The following CDON variants were observed in gnomAD, a reference collection of about 807,000 sequenced individuals.
CDON encodes the protein cell adhesion molecule-related/down-regulated by oncogenes.
CDON carries 73 observed loss-of-function variants against 120.9 expected under a neutral mutation model. The observed-to-expected ratio is 0.60, with a 90% CI of 0.50 to 0.73. The LOEUF (loss-of-function observed/expected upper bound fraction) is 0.73, where lower values mean the gene tolerates loss of function less well. CDON is among the 30% of genes least tolerant of loss of function. The pLI, the probability that CDON is intolerant of heterozygous loss-of-function variation, is 0.00. For synonymous variants in CDON, 566 were observed against 573.5 expected (o/e 0.99, Z 0.19); for missense variants, 1,470 against 1,587.3 (o/e 0.93, Z 1.26).
In CDON at chr11:125,994,885, T is replaced by C. The variant is rs1946735006; in HGVS notation, c.2530A>G (p.Met844Val). Residue 844 changes from methionine (M) to valine (V), a missense_variant, in exon 13 of 20, where the codon ATG becomes GTG. By Grantham distance (21) the Met-to-Val change is conservative (BLOSUM62 1). Transcript: ENST00000531738. ...TGTGTACTGACCGTCCACTTTAGCA[T>C]GATCTGAGTATCGCTGACAGCCTCT... ...YTEAVSDTQI[M>V]LKWTYIPSSN... is the part of the protein sequence containing the mutation. The C allele has an allele frequency of 1.2e-6, 2 of 1,614,044 alleles. No individual in the cohort carries two copies. The highest frequency in any genetic ancestry group is 1.7e-6 in the Non-Finnish European group (2 of 1,179,912).
At chr11:125,962,734 G>A (rs1945679525) in intron 18 of CDON, among the ~76,000 whole-genome samples, 1 of 152,094 alleles carries the variant, frequency 6.6e-6, no homozygotes, top group Non-Finnish European at 1.5e-5. Flanking sequence ...CAGCTGTTAA[G>A]CTCATCTAGT....
chr11:125,965,971 C>A (rs1565488968), intron 18 of CDON, among the ~76,000 whole-genome samples: 1 of 152,048 alleles, frequency 6.6e-6, no homozygotes, highest in African/African-American at 2.4e-5. Context: ...CGCGTCTCTA[C>A]TAAAAAATAC....
intron 19 of CDON, 57 bp from the exon 20 acceptor site, chr11:125,961,162 A>G: frequency 1.3e-6 from 2 of 1,530,102 alleles, no homozygotes; most frequent in Non-Finnish European, 1.8e-6. Flanking sequence ...ATTTTTACAA[A>G]GCAGTCTAAA....
At chr11:126,001,409 C>T (rs1410354642) in intron 11 of CDON, among the ~76,000 whole-genome samples, 2 of 152,172 alleles carry the variant, frequency 1.3e-5, no homozygotes, top group Non-Finnish European at 2.9e-5. Flanking sequence ...CCAGGCTAGT[C>T]TCAAACTCCT....
chr11:125,956,838 T>TA lies in CDON; in HGVS notation c.*4103dup. The TA allele has an allele frequency of 1.0e-6, 1 of 986,964 alleles. No homozygotes were observed. Among genetic ancestry groups the TA allele is most frequent in the South Asian group, 4.7e-5 (1 of 21,350 alleles). 61.1% of individuals were successfully genotyped at this position (986,964 alleles called of 1,614,324 possible). On this transcript the variant is annotated 3_prime_UTR_variant, in exon 20 of 20. Transcript: ENST00000531738. ...GAAGATTCTGTGGTTCTCACAGAGTTAGACTTTATTAGATAAGGGGTTTCG... is the reference window on the plus strand; with the variant it reads ...GAAGATTCTGTGGTTCTCACAGAGTTAAGACTTTATTAGATAAGGGGTTTCG...
intron 1 of CDON, among the ~76,000 whole-genome samples, chr11:126,040,426 T>A (rs1048193850): frequency 1.3e-5 from 2 of 152,230 alleles, no homozygotes; most frequent in Non-Finnish European, 2.9e-5. Flanking sequence ...AACTCAGCAA[T>A]GTTTTCTGGG....
At chr11:126,027,787 T>G (rs947650975) in intron 1 of CDON, among the ~76,000 whole-genome samples, 1 of 152,020 alleles carries the variant, frequency 6.6e-6, no homozygotes, top group African/African-American at 2.4e-5. Context: ...GAGAAAACAA[T>G]CCATGATAAG....
At position 126,018,323 on chromosome 11, in the gene CDON, T is replaced by C; in HGVS notation, c.640+7A>G. 1 of 1,613,148 alleles carries C rather than the reference T, an allele frequency of 6.2e-7. No homozygotes were observed. Among genetic ancestry groups the C allele is most frequent in the Non-Finnish European group, 8.5e-7 (1 of 1,179,606 alleles). On this transcript the variant is annotated splice_region_variant and intron_variant, in intron 5 of 19. Coordinates refer to ENST00000531738, the MANE Select transcript of CDON (RefSeq NM_001378964.1). ...TTCCAGTTACCATTATTCTCCCAAA[T>C]ACTTACGACTCACAAGGAGCTTTCG...
At chr11:126,061,287 T>C (rs1343947394) in intron 1 of CDON, among the ~76,000 whole-genome samples, 1 of 152,218 alleles carries the variant, frequency 6.6e-6, no homozygotes, top group Non-Finnish European at 1.5e-5. Flanking sequence ...CATTCCAACA[T>C]GTGCATAACA....
chr11:126,010,693 G>A lies in CDON; in HGVS notation c.1200C>T (p.Asp400=), dbSNP rs148411384. The A allele has an allele frequency of 2.2e-5, 36 of 1,612,366 alleles. No homozygotes were observed. The highest frequency in any genetic ancestry group is 1.1e-4 in the African/African-American group (8 of 74,982). Residue 400 remains aspartate, a splice_region_variant and synonymous_variant, in exon 8 of 20, where the codon GAC becomes GAT. Transcript: ENST00000531738. Reference sequence around the variant, plus strand: ...TAATTATAACTGGCTTGAATCCACCGTCTATTAAAAAAGTAATTCACATAT... The same window carrying A: ...TAATTATAACTGGCTTGAATCCACCATCTATTAAAAAAGTAATTCACATAT... ...HSTGRLEIEN[D]GGFKPVIITA... is the part of the protein sequence containing the mutation.
rs74316690 is a variant in CDON at position 126,035,612 on chromosome 11, A to T, written c.-61-12075T>A. ...ATAAGCTGACATACAAGTCAATCACAGATTACTATGCAGTTAGTACATAAT... is the reference window on the plus strand; with the variant it reads ...ATAAGCTGACATACAAGTCAATCACTGATTACTATGCAGTTAGTACATAAT... On this transcript the variant is annotated intron_variant, in intron 1 of 19. Coordinates refer to ENST00000531738, the MANE Select transcript of CDON (RefSeq NM_001378964.1). Among the ~76,000 whole-genome samples, 827 of 152,300 alleles carry T rather than the reference A, an allele frequency of 5.4e-3. 10 individuals are homozygous for T. Among genetic ancestry groups the T allele is most frequent in the African/African-American group, 0.018 (768 of 41,562 alleles).
At chr11:125,966,717 G>T (rs1288265453) in intron 18 of CDON, among the ~76,000 whole-genome samples, 1 of 152,052 alleles carries the variant, frequency 6.6e-6, no homozygotes, top group Non-Finnish European at 1.5e-5. Flanking sequence ...ATCAAAAAAA[G>T]CAGCCAGAAG....
At chr11:126,046,677 C>G (rs1405770373) in intron 1 of CDON, among the ~76,000 whole-genome samples, 3 of 152,118 alleles carry the variant, frequency 2.0e-5, no homozygotes, top group Non-Finnish European at 4.4e-5. Flanking sequence ...CCCTCCATTA[C>G]TAAATCCCAA....
At chr11:126,036,096 C>T (rs1184038625) in intron 1 of CDON, among the ~76,000 whole-genome samples, 14 of 152,154 alleles carry the variant, frequency 9.2e-5, no homozygotes, top group Admixed American at 9.2e-4. Flanking sequence ...TAAAAAAACA[C>T]AGCCGCAGAT....
chr11:125,985,590 T>A (rs1224840936), intron 15 of CDON, among the ~76,000 whole-genome samples: 1 of 152,058 alleles, frequency 6.6e-6, no homozygotes. Context: ...TGGCTCAGAG[T>A]GGTGGTCAAT....
At chr11:125,975,040 G>A (rs1039130171) in intron 18 of CDON, among the ~76,000 whole-genome samples, 58 of 151,726 alleles carry the variant, frequency 3.8e-4, no homozygotes, top group African/African-American at 1.3e-3. Context: ...CCTGTGCACT[G>A]CCATCTTTCA....
chr11:126,029,517 G>A (rs776415425), intron 1 of CDON, among the ~76,000 whole-genome samples: 4 of 151,700 alleles, frequency 2.6e-5, no homozygotes, highest in East Asian at 1.9e-4. Flanking sequence ...TTTCAAAACC[G>A]TATTCTCCCT....
intron 1 of CDON, among the ~76,000 whole-genome samples, chr11:126,045,981 C>A (rs1462592453): frequency 2.7e-5 from 4 of 150,446 alleles, no homozygotes; most frequent in South Asian, 2.1e-4. Context: ...AAAAAAAAAA[C>A]AAAAACAAAA....
chr11:126,048,114 TAAAAATAC>T (rs2134886605), intron 1 of CDON, among the ~76,000 whole-genome samples: 1 of 151,950 alleles, frequency 6.6e-6, no homozygotes, highest in Non-Finnish European at 1.5e-5. Flanking sequence ...TCGTCTTTAC[TAAAAATAC>T]AAAAATTAGC....
Sources: gnomAD v4.1 joint callset for allele counts (sites outside exome capture counted in the v4.1 genomes callset) on GRCh38, gnomAD v4.1.1 for gene constraint, MANE v1.5 for transcripts, NCBI Gene and HGNC (gene_info 2026-07-23, HGNC 2026-07-21) for gene names.